Variants in KIAA1217 observed in about 807,000 individuals in gnomAD.
KIAA1217 encodes the protein sickle tail protein homolog.
A neutral mutation model predicts 163.9 loss-of-function variants in KIAA1217; 88 were observed. The ratio of observed to expected loss-of-function variants is 0.54; its 90% confidence interval spans 0.45 to 0.64. KIAA1217 has a LOEUF of 0.64. Ranked by LOEUF, KIAA1217 falls within the 30% of genes least tolerant of loss-of-function variation. The probability of loss-of-function intolerance (pLI) is 0.00; values close to 1 mark genes in which losing one functional copy is unlikely to be tolerated. For missense variants in KIAA1217, 2,372 were observed against 2,475.0 expected (o/e 0.96, Z 0.88); for synonymous variants, 903 against 923.1 (o/e 0.98, Z 0.39).
chr10:23,830,821 T>TACACACAC (rs139183459), intron 1 of KIAA1217, among the ~76,000 whole-genome samples: 191 of 147,544 alleles, frequency 1.3e-3, no homozygotes, highest in African/African-American at 4.1e-3. Flanking sequence ...GATATATGTG[T>TACACACAC]ACACACACAC....
intron 2 of KIAA1217, among the ~76,000 whole-genome samples, chr10:24,328,928 G>A (rs2045301154): frequency 1.3e-5 from 2 of 151,548 alleles, no homozygotes; most frequent in South Asian, 2.1e-4. Context: ...TATAGGGTTC[G>A]CCAGTAGCAT....
At chr10:24,150,507 C>T (rs1006149250) in intron 2 of KIAA1217, among the ~76,000 whole-genome samples, 9 of 152,208 alleles carry the variant, frequency 5.9e-5, no homozygotes, top group Admixed American at 1.3e-4. Flanking sequence ...TTGAAGCCAT[C>T]CTGGAGGAGT....
intron 1 of KIAA1217, among the ~76,000 whole-genome samples, chr10:23,851,321 T>C (rs964399862): frequency 1.5e-4 from 23 of 152,138 alleles, no homozygotes; most frequent in African/African-American, 4.3e-4. Context: ...ATTTCATCCA[T>C]GTCCCTACAA....
chr10:23,719,871 G>A (rs907691930), intron 1 of KIAA1217, among the ~76,000 whole-genome samples: 12 of 152,012 alleles, frequency 7.9e-5, no homozygotes, highest in Non-Finnish European at 1.5e-4. Flanking sequence ...CCGAGATCGC[G>A]CCACTGCACT....
intron 2 of KIAA1217, among the ~76,000 whole-genome samples, chr10:24,196,343 G>C (rs1357186023): frequency 6.6e-6 from 1 of 152,212 alleles, no homozygotes; most frequent in Non-Finnish European, 1.5e-5. Context: ...AATTGCACAG[G>C]AGGCAGCTCA....
In KIAA1217 at chr10:24,240,162, C is replaced by T. The variant is rs138042129; in HGVS notation, c.354+20253C>T. Among the ~76,000 whole-genome samples the T allele has an allele frequency of 7.4e-4, 113 of 152,196 alleles. No individual in the cohort carries two copies. In the East Asian group the frequency reaches 0.01, roughly 14 times the overall value. On this transcript the variant is annotated intron_variant, in intron 2 of 20. Transcript: ENST00000376454. ...TGGATGTGATAGCAATCACTGGATG[C>T]GGCTGTGGATCTGTGAGTTAGCTGA... is the stretch of plus-strand genomic sequence containing the variant.
At chr10:24,375,049 G>T (rs1055422307) in intron 2 of KIAA1217, among the ~76,000 whole-genome samples, 1 of 152,172 alleles carries the variant, frequency 6.6e-6, no homozygotes, top group African/African-American at 2.4e-5. Flanking sequence ...GCCTCCCAAA[G>T]TTCTGGGATT....
intron 1 of KIAA1217, among the ~76,000 whole-genome samples, chr10:23,799,490 T>A (rs771092423): frequency 6.6e-6 from 1 of 152,228 alleles, no homozygotes; most frequent in Non-Finnish European, 1.5e-5. Flanking sequence ...TCCATTTTCC[T>A]TTGATTTTTG....
At chr10:24,195,060 C>T (rs1351559328) in intron 2 of KIAA1217, among the ~76,000 whole-genome samples, 1 of 152,246 alleles carries the variant, frequency 6.6e-6, no homozygotes, top group African/African-American at 2.4e-5. Context: ...TGCCAGGCCA[C>T]CCTGGGTGGG....
At chr10:23,872,795 T>A (rs1279969930) in intron 1 of KIAA1217, among the ~76,000 whole-genome samples, 3 of 152,074 alleles carry the variant, frequency 2.0e-5, no homozygotes, top group Non-Finnish European at 4.4e-5. Flanking sequence ...TCTATAAATT[T>A]ATATACACTT....
At chr10:24,510,462 A>G (rs1482930275) in intron 9 of KIAA1217, among the ~76,000 whole-genome samples, 2 of 152,154 alleles carry the variant, frequency 1.3e-5, no homozygotes, top group Admixed American at 1.3e-4. Context: ...TTCTTAGTCC[A>G]TGAAATCATC....
rs772322865 is a variant in KIAA1217 at position 24,219,839 on chromosome 10, A to G, written c.284A>G (p.Glu95Gly). ...GATCGGAAGAGAGAAGCGTTCCTAG[A>G]ACATCTGAAGCAGAAGTACCCCCAC... ...EMDRKREAFL[E>G]HLKQKYPHHA... Residue 95 changes from glutamate to glycine, a missense_variant, in exon 2 of 21, where the codon GAA (glutamate) becomes GGA (glycine). By Grantham distance (98) the Glu-to-Gly change is moderately conservative (BLOSUM62 -2). Coordinates refer to ENST00000376454, the MANE Select transcript of KIAA1217 (RefSeq NM_019590.5). The G allele has an allele frequency of 6.2e-7, 1 of 1,613,818 alleles. No individual in the cohort carries two copies. The highest frequency in any genetic ancestry group is 1.1e-5 in the South Asian group (1 of 91,064).
intron 1 of KIAA1217, among the ~76,000 whole-genome samples, chr10:23,806,666 G>T (rs868226568): frequency 2.0e-5 from 3 of 152,224 alleles, no homozygotes; most frequent in Middle Eastern, 3.4e-3. Context: ...TGCTAGCCTA[G>T]TTGAATCTTC....
At chr10:24,244,541 C>T (rs755816151) in intron 2 of KIAA1217, among the ~76,000 whole-genome samples, 3 of 145,976 alleles carry the variant, frequency 2.1e-5, no homozygotes, top group Non-Finnish European at 4.5e-5. Context: ...ATTAATTGGG[C>T]TTCCCTCTTT....
chr10:24,000,966 A>G (rs1475596911), intron 1 of KIAA1217, among the ~76,000 whole-genome samples: 1 of 152,214 alleles, frequency 6.6e-6, no homozygotes, highest in Non-Finnish European at 1.5e-5. Context: ...TTGAATGAAG[A>G]CCAGATAATC....
chr10:24,193,107 C>A (rs949464641), intron 2 of KIAA1217, among the ~76,000 whole-genome samples: 3 of 151,972 alleles, frequency 2.0e-5, no homozygotes, highest in African/African-American at 7.3e-5. Context: ...TTTTGAGAGA[C>A]GGGGTCTTGC....
intron 9 of KIAA1217, among the ~76,000 whole-genome samples, chr10:24,507,192 A>G (rs577464721): frequency 9.8e-5 from 15 of 152,332 alleles, no homozygotes; most frequent in South Asian, 4.1e-4. Flanking sequence ...AAGCTGATCC[A>G]CAAGTAACTG....
chr10:24,111,347 T>C (rs1468338410), intron 2 of KIAA1217, among the ~76,000 whole-genome samples: 3 of 152,180 alleles, frequency 2.0e-5, no homozygotes, highest in Non-Finnish European at 4.4e-5. Context: ...ATAAAAGAAT[T>C]CTGATGGAAT....
At chr10:23,736,066 G>A (rs1196681107) in intron 1 of KIAA1217, among the ~76,000 whole-genome samples, 3 of 152,224 alleles carry the variant, frequency 2.0e-5, no homozygotes, top group Non-Finnish European at 4.4e-5. Context: ...AGCTGGCAGT[G>A]TATGAGAGTT....
Sources: allele counts gnomAD v4.1 joint callset (sites outside exome capture counted in the v4.1 genomes callset), GRCh38; gene constraint gnomAD v4.1.1; transcripts MANE v1.5; gene names NCBI Gene and HGNC (gene_info 2026-07-23, HGNC 2026-07-21).